Variants in MATN2 observed in about 807,000 individuals in gnomAD.
MATN2 encodes the protein matrilin-2.
Under a neutral mutation model 103.2 loss-of-function variants are expected in MATN2, and 69 were observed. The ratio of observed to expected loss-of-function variants is 0.67; its 90% confidence interval spans 0.55 to 0.82. The LOEUF is 0.82. MATN2 is among the 40% of genes least tolerant of loss of function. MATN2 has a pLI of 0.00. For missense variants in MATN2, 1,023 were observed against 1,211.5 expected (o/e 0.84, Z 2.31); for synonymous variants, 429 against 450.2 (o/e 0.95, Z 0.60).
intron 5 of MATN2, among the ~76,000 whole-genome samples, chr8:97,967,210 G>T (rs1258738269): frequency 6.6e-6 from 1 of 152,108 alleles, no homozygotes; most frequent in Non-Finnish European, 1.5e-5. Flanking sequence ...CTCCAACATT[G>T]GGAATCACGT....
intron 5 of MATN2, among the ~76,000 whole-genome samples, chr8:97,964,795 G>A (rs776422233): frequency 7.2e-5 from 11 of 151,840 alleles, no homozygotes; most frequent in South Asian, 2.1e-4. Context: ...GTACAGTGGC[G>A]CGACCTCGGC....
chr8:97,976,159 C>G (rs1422588575), intron 5 of MATN2, among the ~76,000 whole-genome samples: 1 of 150,914 alleles, frequency 6.6e-6, no homozygotes, highest in African/African-American at 2.4e-5. Flanking sequence ...GAGTCTTGCT[C>G]TGTTGCCTGG....
intron 2 of MATN2, among the ~76,000 whole-genome samples, chr8:97,895,227 A>G (rs547790075): frequency 6.6e-6 from 1 of 152,266 alleles, no homozygotes; most frequent in South Asian, 2.1e-4. Context: ...ACATCCCAAA[A>G]CAATACCTTT....
intron 3 of MATN2, among the ~76,000 whole-genome samples, chr8:97,934,807 T>C (rs573739148): frequency 1.1e-4 from 17 of 152,350 alleles, no homozygotes; most frequent in African/African-American, 4.1e-4. Context: ...ATCAACACTT[T>C]ACATAAGATA....
rs760237909 is a variant in MATN2, at chr8:98,027,426, A to C, written c.1953A>C (p.Glu651Asp). The stretch of plus-strand genomic sequence containing the variant: ...CTTCTGTTCATATAGAATGCACTGA[A>C]GGCCCAATTGACCTGGTCTTTGTGA... Reference protein sequence around the residue: ...EDGRRCKKCTEGPIDLVFVID... With the variant: ...EDGRRCKKCTDGPIDLVFVID... Residue 651 changes from glutamate to aspartate, a missense_variant, in exon 14 of 19, where the codon GAA becomes GAC. Transcript: ENST00000254898. 1.9e-6 allele frequency: 3 copies of C among 1,602,988 alleles called. No homozygotes were observed. Among genetic ancestry groups the C allele is most frequent in the Non-Finnish European group, 2.6e-6 (3 of 1,171,260 alleles).
chr8:97,883,971 G>A (rs1023904154), intron 1 of MATN2, among the ~76,000 whole-genome samples: 10 of 151,828 alleles, frequency 6.6e-5, no homozygotes, highest in African/African-American at 1.9e-4. Context: ...ATTACATTTT[G>A]ATAAAAAGAA....
intron 3 of MATN2, among the ~76,000 whole-genome samples, chr8:97,933,441 T>C (rs375573926): frequency 1.3e-5 from 2 of 152,294 alleles, no homozygotes; most frequent in African/African-American, 2.4e-5. Context: ...GGGGTTCTTT[T>C]TATAAGCCTT....
chr8:97,886,122 A>G (rs1044951571), intron 1 of MATN2, among the ~76,000 whole-genome samples: 3 of 151,148 alleles, frequency 2.0e-5, no homozygotes, highest in African/African-American at 7.3e-5. Flanking sequence ...TGAACTGCAC[A>G]CTCCTTATGA....
At chr8:97,899,977 T>C (rs1818928655) in intron 2 of MATN2, among the ~76,000 whole-genome samples, 3 of 152,168 alleles carry the variant, frequency 2.0e-5, no homozygotes, top group African/African-American at 7.2e-5. Context: ...TATTTCAGAG[T>C]CATTAAAGCA....
At chr8:97,990,179 C>CAAAAAAAAAAAA (rs34924183) in intron 6 of MATN2, among the ~76,000 whole-genome samples, 1 of 45,806 alleles carries the variant, frequency 2.2e-5, no homozygotes, top group Non-Finnish European at 4.1e-5. Flanking sequence ...AAGACTCTGT[C>CAAAAAAAAAAAA]AAAAAAAAAA....
intron 3 of MATN2, among the ~76,000 whole-genome samples, chr8:97,932,832 A>G (rs942301936): frequency 2.6e-5 from 4 of 152,240 alleles, no homozygotes; most frequent in Non-Finnish European, 4.4e-5. Context: ...AAGGGAAATA[A>G]TCTATTTTTA....
intron 15 of MATN2, among the ~76,000 whole-genome samples, chr8:98,031,024 C>A (rs554847540): frequency 3.3e-5 from 5 of 152,176 alleles, no homozygotes; most frequent in Admixed American, 3.3e-4. Context: ...TGGGCAGGGC[C>A]AGCAATGCCT....
intron 4 of MATN2, among the ~76,000 whole-genome samples, chr8:97,946,173 GGTCTCTT>G (rs763989409): frequency 6.6e-6 from 1 of 151,870 alleles, no homozygotes; most frequent in Non-Finnish European, 1.5e-5. Context: ...CCTAGTTTTG[GGTCTCTT>G]CACTGTCCAG....
Position 98,032,286 on chromosome 8 carries a change from G to A in MATN2, c.2550G>A (p.Gly850=). The part of the protein sequence containing the change: ...DSDGRQDSPA[G]ELPKTVQQPT... ...ATGGAAGACAGGACTCTCCAGCAGG[G>A]GAACTGCCAAAAACGGTCCAACAGC... is the stretch of plus-strand genomic sequence containing the variant. Residue 850 remains glycine (G), a synonymous_variant, in exon 16 of 19, where the codon GGG becomes GGA. Coordinates refer to ENST00000254898, the MANE Select transcript of MATN2 (RefSeq NM_002380.5). 2 of 1,612,014 alleles carry A rather than the reference G, an allele frequency of 1.2e-6. No homozygotes were observed. The highest frequency in any genetic ancestry group is 1.1e-5 in the South Asian group (1 of 90,582).
intron 13 of MATN2, among the ~76,000 whole-genome samples, chr8:98,022,577 G>A (rs913482300): frequency 1.3e-5 from 2 of 152,142 alleles, no homozygotes; most frequent in Non-Finnish European, 2.9e-5. Context: ...AAATACCAAT[G>A]TGACTGTCAT....
chr8:98,026,178 CA>C (rs71271184), intron 13 of MATN2, among the ~76,000 whole-genome samples: 13 of 109,718 alleles, frequency 1.2e-4, no homozygotes, highest in East Asian at 6.0e-4. Flanking sequence ...GACTCAATCT[CA>C]AAAAAAAAAA....
chr8:97,873,797 A>G (rs1817976368), intron 1 of MATN2, among the ~76,000 whole-genome samples: 1 of 151,078 alleles, frequency 6.6e-6, no homozygotes, highest in African/African-American at 2.4e-5. Flanking sequence ...TTTTTGTAAA[A>G]ACTTTTTTTT....
intron 2 of MATN2, among the ~76,000 whole-genome samples, chr8:97,905,183 G>C (rs537171083): frequency 6.6e-6 from 1 of 152,034 alleles, no homozygotes; most frequent in Admixed American, 6.6e-5. Context: ...CAAATAATTG[G>C]CCTCCTTTCT....
chr8:97,947,666 G>T (rs1229409648), intron 4 of MATN2, among the ~76,000 whole-genome samples: 1 of 152,100 alleles, frequency 6.6e-6, no homozygotes, highest in Non-Finnish European at 1.5e-5. Context: ...GACTTAATAT[G>T]GCCAAGATGT....
Sources: gnomAD v4.1 joint callset for allele counts (sites outside exome capture counted in the v4.1 genomes callset) on GRCh38, gnomAD v4.1.1 for gene constraint, MANE v1.5 for transcripts, NCBI Gene and HGNC (gene_info 2026-07-23, HGNC 2026-07-21) for gene names.